EBF1: variants seen among roughly 807,000 people sequenced by gnomAD.
The protein encoded by EBF1 is EBF transcription factor 1, also known as transcription factor COE1.
A neutral mutation model predicts 68.4 loss-of-function variants in EBF1; 10 were observed. The observed-to-expected ratio is 0.15, with a 90% CI of 0.09 to 0.25. The LOEUF is 0.25. Among genes scored for constraint, EBF1 ranks in the 10% least tolerant of loss-of-function variants. EBF1 has a pLI of 1.00. For synonymous variants in EBF1, 298 were observed against 299.8 expected (o/e 0.99, Z 0.06); for missense variants, 509 against 794.4 (o/e 0.64, Z 4.32).
At chr5:158,726,413 G>A (rs79939209) in intron 11 of EBF1, among the ~76,000 whole-genome samples, 2 of 152,274 alleles carry the variant, frequency 1.3e-5, no homozygotes, top group East Asian at 3.9e-4. Context: ...CACAACCAAT[G>A]AGTGTAATTA....
intron 7 of EBF1, among the ~76,000 whole-genome samples, chr5:158,831,566 T>A (rs1410684665): frequency 2.0e-5 from 3 of 152,120 alleles, no homozygotes; most frequent in African/African-American, 7.2e-5. Context: ...TAAGAAAAAA[T>A]AAAATATCTT....
chr5:158,908,813 G>A (rs746396213), intron 6 of EBF1, among the ~76,000 whole-genome samples: 5 of 152,230 alleles, frequency 3.3e-5, no homozygotes, highest in Non-Finnish European at 7.3e-5. Context: ...CTGAGAACCA[G>A]GACGGGTTGG....
At chr5:158,857,977 C>T (rs17715887) in intron 6 of EBF1, among the ~76,000 whole-genome samples, 7,117 of 152,206 alleles carry the variant, frequency 0.047, 244 homozygotes, top group Middle Eastern at 0.092. Flanking sequence ...GTTGACCCTT[C>T]GTGGGCTCAT....
At chr5:158,934,369 T>C (rs544414173) in intron 6 of EBF1, among the ~76,000 whole-genome samples, 1 of 152,250 alleles carries the variant, frequency 6.6e-6, no homozygotes, top group South Asian at 2.1e-4. Context: ...CCATGCTGAA[T>C]TGTCTCCTTA....
Position 158,805,122 on chromosome 5 carries a change from A to C in EBF1, c.779-8647T>G, listed in dbSNP as rs915471851. Among the ~76,000 whole-genome samples the C allele has an allele frequency of 2.6e-5, 4 of 152,140 alleles. No individual in the cohort carries two copies. In the East Asian group the frequency reaches 7.7e-4, roughly 29 times the overall value. The stretch of plus-strand genomic sequence containing the variant: ...GGGAAATGAAAGCCAAGGGGAAAAA[A>C]GGAAATGAAAATAACCTTCCAAAAA... On this transcript the variant is annotated intron_variant, in intron 8 of 15. Coordinates refer to ENST00000313708, the MANE Select transcript of EBF1 (RefSeq NM_024007.5).
intron 6 of EBF1, among the ~76,000 whole-genome samples, chr5:158,933,342 A>G (rs1056463382): frequency 6.6e-6 from 1 of 152,208 alleles, no homozygotes; most frequent in African/African-American, 2.4e-5. Flanking sequence ...CATAATTACA[A>G]CTAAAATGAA....
chr5:158,757,376 A>G (rs57119247), intron 10 of EBF1, among the ~76,000 whole-genome samples: 2 of 152,156 alleles, frequency 1.3e-5, no homozygotes, highest in African/African-American at 2.4e-5. Context: ...TCTCATTACA[A>G]GAGTCACTGA....
intron 4 of EBF1, among the ~76,000 whole-genome samples, chr5:159,092,022 G>T (rs1234131675): frequency 1.3e-5 from 2 of 152,050 alleles, no homozygotes; most frequent in Non-Finnish European, 2.9e-5. Context: ...GGGGAGATAA[G>T]CTAAACTTAA....
intron 9 of EBF1, among the ~76,000 whole-genome samples, chr5:158,790,902 C>A (rs56329327): frequency 6.6e-6 from 1 of 152,124 alleles, no homozygotes; most frequent in African/African-American, 2.4e-5. Flanking sequence ...AAATCAACAT[C>A]ACATCTGTGT....
At chr5:158,923,082 T>C (rs1808801109) in intron 6 of EBF1, among the ~76,000 whole-genome samples, 1 of 152,204 alleles carries the variant, frequency 6.6e-6, no homozygotes, top group Non-Finnish European at 1.5e-5. Context: ...CCGAAGGCCT[T>C]GGGGCTTTCC....
intron 6 of EBF1, among the ~76,000 whole-genome samples, chr5:159,048,230 G>A (rs779181455): frequency 5.9e-5 from 9 of 152,114 alleles, no homozygotes; most frequent in Non-Finnish European, 1.2e-4. Flanking sequence ...ACCCAAGTAC[G>A]CAGTAGGTAC....
intron 6 of EBF1, among the ~76,000 whole-genome samples, chr5:159,011,652 CA>C (rs1254600092): frequency 6.6e-6 from 1 of 152,178 alleles, no homozygotes; most frequent in East Asian, 1.9e-4. Context: ...TTACCTCCTG[CA>C]TCAAGAAACA....
intron 6 of EBF1, among the ~76,000 whole-genome samples, chr5:158,884,095 A>G (rs1393039936): frequency 1.3e-5 from 2 of 152,292 alleles, no homozygotes; most frequent in East Asian, 3.9e-4. Flanking sequence ...GCACAATACT[A>G]TTATTTGCTA....
At chr5:159,069,269 T>C (rs1259632058) in intron 6 of EBF1, among the ~76,000 whole-genome samples, 2 of 151,610 alleles carry the variant, frequency 1.3e-5, no homozygotes, top group African/African-American at 4.9e-5. Flanking sequence ...GGAATGATGC[T>C]CACATTGTCA....
intron 6 of EBF1, among the ~76,000 whole-genome samples, chr5:158,986,651 C>T (rs1759146721): frequency 6.6e-6 from 1 of 152,104 alleles, no homozygotes; most frequent in Non-Finnish European, 1.5e-5. Context: ...CATCTGAGGA[C>T]CAAATTAAGT....
At chr5:158,880,458 G>C (rs1170135166) in intron 6 of EBF1, among the ~76,000 whole-genome samples, 2 of 152,170 alleles carry the variant, frequency 1.3e-5, no homozygotes, top group Non-Finnish European at 2.9e-5. Context: ...GATGCACACT[G>C]TCTTATATAC....
intron 6 of EBF1, among the ~76,000 whole-genome samples, chr5:158,848,288 A>G (rs2127990402): frequency 7.1e-6 from 1 of 140,368 alleles, no homozygotes; most frequent in East Asian, 2.0e-4. Context: ...CATGTTATAT[A>G]TATATCGTGG....
chr5:159,092,456 G>T (rs1781825603), intron 4 of EBF1, among the ~76,000 whole-genome samples: 1 of 152,098 alleles, frequency 6.6e-6, no homozygotes, highest in Non-Finnish European at 1.5e-5. Context: ...TTTCCTGGTA[G>T]AGTCCAAAAA....
chr5:158,696,333 T>TAATC lies in EBF1; in HGVS notation c.*2774_*2777dup, dbSNP rs1233457725. ...CAGAGGGCCAGAATGTCTTTTCATC[T>TAATC]AATCAATAGAAATAGAAGCAACAAA... On this transcript the variant is annotated 3_prime_UTR_variant, in exon 16 of 16. Transcript: ENST00000313708. The TAATC allele has an allele frequency of 3.6e-5, 8 of 221,662 alleles. No individual in the cohort carries two copies. Among genetic ancestry groups the TAATC allele is most frequent in the African/African-American group, 1.1e-4 (5 of 44,594 alleles). 13.7% of individuals were successfully genotyped at this position (221,662 alleles called of 1,614,324 possible). A position where few individuals can be genotyped will look rare whatever the true frequency, so the allele number is the denominator to read the frequency against.
Sources: allele counts gnomAD v4.1 joint callset (sites outside exome capture counted in the v4.1 genomes callset), GRCh38; gene constraint gnomAD v4.1.1; transcripts MANE v1.5; gene names NCBI Gene and HGNC (gene_info 2026-07-23, HGNC 2026-07-21).